Variants in NLRP2 observed in about 807,000 individuals in gnomAD.
The protein encoded by NLRP2 is NACHT, LRR and PYD domains-containing protein 2.
Under a neutral mutation model 97.2 loss-of-function variants are expected in NLRP2, and 107 were observed. The ratio of observed to expected loss-of-function variants is 1.10; its 90% CI spans 0.94 to 1.29. The LOEUF (loss-of-function observed/expected upper bound fraction) is 1.29, where lower values mean the gene tolerates loss of function less well. Among genes scored for constraint, NLRP2 ranks in the 50% most tolerant of loss-of-function variants. NLRP2 has a pLI of 0.00. For missense variants in NLRP2, 1,495 were observed against 1,330.3 expected, an observed-to-expected ratio of 1.12 and a Z score of -1.93; for synonymous variants, 663 against 551.5, an observed-to-expected ratio of 1.20 and a Z score of -2.83.
chr19:54,983,200 T>G lies in NLRP2; in HGVS notation c.1502T>G (p.Phe501Cys), dbSNP rs777526437. The change falls in exon 6 of 13, where the codon TTC becomes TGC. Residue 501 changes from phenylalanine to cysteine, a missense_variant. Phe to Cys is a radical substitution (Grantham distance 205, BLOSUM62 -2). Coordinates refer to ENST00000448584, the MANE Select transcript of NLRP2 (RefSeq NM_017852.5). ...AGAGTCTCCAAAGGCTGCTACTCCTTCATCCACCTCAGCTTCCAGCAGTTT... is the reference window on the plus strand; with the variant it reads ...AGAGTCTCCAAAGGCTGCTACTCCTGCATCCACCTCAGCTTCCAGCAGTTT... ...QDRVSKGCYS[F>C]IHLSFQQFLT... is the part of the protein sequence containing the mutation. The G allele has an allele frequency of 1.2e-6, 2 of 1,614,030 alleles. No homozygotes were observed. Among genetic ancestry groups the G allele is most frequent in the Admixed American group, 1.7e-5 (1 of 59,992 alleles).
At chr19:54,980,883 G>A (rs1033268793) in intron 4 of NLRP2, among the ~76,000 whole-genome samples, 5 of 152,190 alleles carry the variant, frequency 3.3e-5, no homozygotes, top group African/African-American at 1.2e-4. Flanking sequence ...GCTGAGGTGG[G>A]TGGATCATCT....
intron 4 of NLRP2, 101 bp from the exon 5 acceptor site, chr19:54,981,516 C>T (rs562897910): frequency 1.8e-5 from 5 of 274,008 alleles, no homozygotes; most frequent in East Asian, 1.0e-4. Context: ...CGTGCCCCCC[C>T]TCCCCCCCGC....
In NLRP2 at chr19:54,980,322, A is replaced by G. The variant is rs541253761; in HGVS notation, c.398-1295A>G. 2.4e-4 allele frequency among the ~76,000 whole-genome samples: 36 copies of G among 151,466 alleles called. 1 individual carries two copies. In the South Asian group the frequency reaches 5.6e-3, roughly 24 times the overall value. ...CACGCCATTCTGCCTCAGCCTCCCC[A>G]GTAGCTGGGACTACAGGCGCCCGCC... On this transcript the variant is annotated intron_variant, in intron 4 of 12. Coordinates refer to ENST00000448584, the MANE Select transcript of NLRP2 (RefSeq NM_017852.5).
chr19:54,998,840 C>T (rs370632944), intron 12 of NLRP2, among the ~76,000 whole-genome samples: 2 of 150,578 alleles, frequency 1.3e-5, no homozygotes, highest in African/African-American at 2.5e-5. Context: ...TGACTCTTAA[C>T]GAGCGTGCTG....
chr19:54,977,937 C>A, intron 4 of NLRP2, 114 bp downstream of exon 4: 2 of 954,814 alleles, frequency 2.1e-6, no homozygotes, highest in South Asian at 1.4e-5. Flanking sequence ...CTCCACTATT[C>A]TTAATGTGCC....
chr19:54,967,872 A>G (rs2070567851), intron 1 of NLRP2, among the ~76,000 whole-genome samples: 1 of 151,804 alleles, frequency 6.6e-6, no homozygotes, highest in African/African-American at 2.4e-5. Context: ...GCTATCATAT[A>G]AAGAGGTGTT....
chr19:54,995,748 G>T lies in NLRP2; in HGVS notation c.2879+1309G>T, dbSNP rs371540249. 1.5e-4 allele frequency among the ~76,000 whole-genome samples: 23 copies of T among 152,112 alleles called. No homozygotes were observed. The East Asian group carries it at 4.1e-3, about 27-fold the overall frequency. On this transcript the variant is annotated intron_variant, in intron 11 of 12. Transcript: ENST00000448584. The stretch of plus-strand genomic sequence containing the variant: ...TCCTATCTGGGAGGCAATCTTAAAA[G>T]AATTTGACTCGGGATGGGCAAGGTG...
intron 11 of NLRP2, among the ~76,000 whole-genome samples, chr19:54,995,264 C>T (rs2072745657): frequency 1.4e-5 from 2 of 142,984 alleles, no homozygotes; most frequent in African/African-American, 5.2e-5. Context: ...GATCTCAGCT[C>T]ACTGCAACCT....
At chr19:54,977,866 C>A in intron 4 of NLRP2, 43 bp downstream of exon 4, 2 of 1,568,392 alleles carry the variant, frequency 1.3e-6, no homozygotes, top group Non-Finnish European at 1.8e-6. Flanking sequence ...CTGAGGAAGC[C>A]CCCCGTTCTT....
intron 4 of NLRP2, among the ~76,000 whole-genome samples, chr19:54,978,529 G>A (rs1458804058): frequency 1.3e-5 from 2 of 152,078 alleles, no homozygotes; most frequent in African/African-American, 4.8e-5. Flanking sequence ...ACAGGCGAGA[G>A]CCACCGTACC....
upstream of NLRP2, chr19:54,966,245 G>T (rs1256673516): frequency 6.6e-6 from 1 of 152,254 alleles, no homozygotes; most frequent in Admixed American, 6.6e-5. Context: ...AGTCAAGATG[G>T]AGGACCACAG....
intron 1 of NLRP2, among the ~76,000 whole-genome samples, chr19:54,968,843 A>G (rs903889578): frequency 3.3e-5 from 5 of 151,988 alleles, no homozygotes; most frequent in Admixed American, 6.6e-5. Context: ...CTGGAACTAC[A>G]GGCACCTGCC....
rs753653846 is a variant in NLRP2 at position 54,969,984 on chromosome 19, T to C, written c.-17-15T>C. ...TCACCATCCCTCTCCACTCCTCCCT[T>C]GATTGTCATCACAGCTCCCACGTGG... is the stretch of plus-strand genomic sequence containing the variant. On this transcript the variant is annotated splice_polypyrimidine_tract_variant and intron_variant, in intron 1 of 12. Transcript: ENST00000448584. 3.1e-5 allele frequency: 50 copies of C among 1,612,136 alleles called. No individual in the cohort carries two copies. Among genetic ancestry groups the C allele is most frequent in the Non-Finnish European group, 4.1e-5 (48 of 1,179,792 alleles).
rs11880940 is a variant in NLRP2, at chr19:54,988,667, G to A, written c.2367-1355G>A. ...TCCAAAATGCTGGGATTACAGCCATGTGCCACCACGCCCAGCTAATTCTTG... is the reference window on the plus strand; with the variant it reads ...TCCAAAATGCTGGGATTACAGCCATATGCCACCACGCCCAGCTAATTCTTG... On this transcript the variant is annotated intron_variant, in intron 8 of 12. Transcript: ENST00000448584. Among the ~76,000 whole-genome samples, 653 of 152,188 alleles carry A rather than the reference G, an allele frequency of 4.3e-3. 6 individuals are homozygous for A. The highest frequency in any genetic ancestry group is 0.015 in the African/African-American group (617 of 41,552).
Position 54,996,779 on chromosome 19 carries a change from G to A in NLRP2, c.2880-538G>A, listed in dbSNP as rs566816230. On this transcript the variant is annotated intron_variant, in intron 11 of 12. Coordinates refer to ENST00000448584, the MANE Select transcript of NLRP2 (RefSeq NM_017852.5). ...AACTCCCCCCCGAGCTCTATGACTC[G>A]GTCTCTTCACCCCCTCACCTCCAAC... Among the ~76,000 whole-genome samples the A allele has an allele frequency of 2.5e-4, 38 of 151,632 alleles. No homozygotes were observed. The South Asian group carries it at 7.3e-3, about 29-fold the overall frequency.
intron 10 of NLRP2, 71 bp downstream of exon 10, chr19:54,990,743 G>A: frequency 2.0e-6 from 3 of 1,524,582 alleles, no homozygotes; most frequent in Non-Finnish European, 2.7e-6. Flanking sequence ...GTTTGAGTAG[G>A]GTGGTTATGA....
At chr19:54,983,782 C>T (rs1297826940) in intron 6 of NLRP2, 54 bp downstream of exon 6, 8 of 1,598,710 alleles carry the variant, frequency 5.0e-6, no homozygotes, top group Non-Finnish European at 5.9e-6. Context: ...ATCCCATGCC[C>T]CCTTAGGAAG....
In NLRP2 at chr19:54,982,304, C is replaced by T. The variant is rs568847246; in HGVS notation, c.606C>T (p.Pro202=). Residue 202 remains proline, a synonymous_variant, in exon 6 of 13, where the codon CCC becomes CCT. Coordinates refer to ENST00000448584, the MANE Select transcript of NLRP2 (RefSeq NM_017852.5). ...LIPFSNPRVL[P]GPFSYTVVLY... ...CATTCAGCAACCCCAGGGTGCTTCC[C>T]GGGCCCTTCTCATACACGGTGGTGC... The T allele has an allele frequency of 3.8e-5, 61 of 1,614,124 alleles. No individual in the cohort carries two copies. The East Asian group carries it at 4.2e-4, about 11-fold the overall frequency.
At chr19:54,974,267 T>A in intron 2 of NLRP2, 1 of 597,982 alleles carries the variant, frequency 1.7e-6, no homozygotes. Flanking sequence ...GGCAGGAGAA[T>A]CGCTTGAACC....
Sources: gnomAD v4.1 joint callset for allele counts (sites outside exome capture counted in the v4.1 genomes callset) on GRCh38, gnomAD v4.1.1 for gene constraint, MANE v1.5 for transcripts, NCBI Gene and HGNC (gene_info 2026-07-23, HGNC 2026-07-21) for gene names.